KRI1: variants seen among roughly 807,000 people sequenced by gnomAD.
KRI1 encodes the protein protein KRI1 homolog.
KRI1 carries 83 observed loss-of-function variants against 97.0 expected under a neutral mutation model. The ratio of observed to expected loss-of-function variants is 0.86; its 90% CI spans 0.72 to 1.03. The LOEUF is 1.03. Ranked by LOEUF, KRI1 falls within the 50% of genes least tolerant of loss-of-function variation. KRI1 has a pLI of 0.00. For synonymous variants in KRI1, 371 were observed against 363.5 expected (o/e 1.02, Z -0.23); for missense variants, 916 against 928.4 (o/e 0.99, Z 0.17).
chr19:10,554,087 C>T lies in KRI1; in HGVS notation c.1976G>A (p.Gly659Asp), dbSNP rs768504539. ...RRRAKKARLLGPTVMLGGCEF... is the reference protein window; with the variant it reads ...RRRAKKARLLDPTVMLGGCEF... ...GCATCCACCAAGCATCACAGTGGGG[C>T]CCAGCAGCCGTGCCTTCTTGGCCCT... The change falls in exon 19 of 19, where the codon GGC (glycine) becomes GAC (aspartate). Residue 659 changes from glycine to aspartate, a missense_variant. Around this residue, in one of 3 missense-constraint regions of KRI1, gnomAD observed 672 missense variants for 667.2 expected, o/e 1.01. Transcript: ENST00000312962. The T allele has an allele frequency of 1.9e-6, 3 of 1,614,200 alleles. No individual in the cohort carries two copies. Among genetic ancestry groups the T allele is most frequent in the Admixed American group, 1.7e-5 (1 of 60,022 alleles).
Position 10,559,920 on chromosome 19 carries a change from C to G in KRI1, c.817G>C (p.Val273Leu), listed in dbSNP as rs142580156. ...GAGGAGTCGTCCACAGCCAGCTGGACTGGGGGACCGTGGACCCTGAGGGGC... is the reference window on the plus strand; with the variant it reads ...GAGGAGTCGTCCACAGCCAGCTGGAGTGGGGGACCGTGGACCCTGAGGGGC... Reference protein sequence around the residue: ...EEEEGVHGPPVQLAVDDSSDE... With the variant: ...EEEEGVHGPPLQLAVDDSSDE... Residue 273 changes from valine (V) to leucine (L), a missense_variant, in exon 10 of 19, where the codon GTC becomes CTC. Val to Leu is a conservative substitution (Grantham distance 32). Transcript: ENST00000312962. 2.3e-3 allele frequency: 3,653 copies of G among 1,612,060 alleles called. 2 individuals carry two copies. Among genetic ancestry groups the G allele is most frequent in the Non-Finnish European group, 2.8e-3 (3,317 of 1,179,916 alleles).
chr19:10,563,094 T>C (rs1439043515), intron 3 of KRI1, among the ~76,000 whole-genome samples: 2 of 152,064 alleles, frequency 1.3e-5, no homozygotes, highest in Non-Finnish European at 2.9e-5. Flanking sequence ...CTCATTCTGT[T>C]GCCCAGGCTG....
Position 10,560,340 on chromosome 19 carries a change from C to T in KRI1, c.772G>A (p.Asp258Asn), listed in dbSNP as rs1055611699. The T allele has an allele frequency of 1.2e-6, 2 of 1,607,064 alleles. No individual in the cohort carries two copies. Residue 258 changes from aspartate (D) to asparagine (N), a missense_variant, in exon 9 of 19, where the codon GAT becomes AAT. Transcript: ENST00000312962. ...RYEEEEEEEE[D>N]EEEMEEEEGV... ...TCCTCTTCCTCCATTTCCTCTTCATCTTCCTCCTCCTCTTCCTCCTCCTCA... is the reference window on the plus strand; with the variant it reads ...TCCTCTTCCTCCATTTCCTCTTCATTTTCCTCCTCCTCTTCCTCCTCCTCA...
chr19:10,565,555 G>T, intron 2 of KRI1, 162 bp downstream of exon 2: 1 of 892,776 alleles, frequency 1.1e-6, no homozygotes, highest in Non-Finnish European at 1.6e-6. Flanking sequence ...CCCCTGGGGA[G>T]AGGGGGGGCA....
intron 2 of KRI1, 141 bp downstream of exon 2, chr19:10,565,576 C>A: frequency 8.9e-7 from 1 of 1,118,474 alleles, no homozygotes; most frequent in South Asian, 1.6e-5. Context: ...CTGTCTGTCC[C>A]TCATGGGATG....
chr19:10,558,296 C>G, intron 12 of KRI1, 57 bp from the exon 13 acceptor site: 1 of 1,538,850 alleles, frequency 6.5e-7, no homozygotes, highest in Admixed American at 1.7e-5. Context: ...GAGCTGAGCC[C>G]CCTACGATGC....
At chr19:10,561,635 C>A in intron 6 of KRI1, 32 bp downstream of exon 6, 1 of 1,610,186 alleles carries the variant, frequency 6.2e-7, no homozygotes, top group South Asian at 1.1e-5. Flanking sequence ...CAACTTTCCT[C>A]CATTGGGCCA....
At chr19:10,564,596 G>A (rs939698442) in intron 3 of KRI1, among the ~76,000 whole-genome samples, 23 of 152,180 alleles carry the variant, frequency 1.5e-4, no homozygotes, top group Admixed American at 1.4e-3. Flanking sequence ...CAGCCTGGTG[G>A]AGTTGGAATC....
chr19:10,556,135 G>GGCTCACA (rs911315499), intron 16 of KRI1, among the ~76,000 whole-genome samples: 2 of 152,062 alleles, frequency 1.3e-5, no homozygotes, highest in African/African-American at 4.8e-5. Context: ...TGCAGTGGCA[G>GGCTCACA]GCTCACAGCT....
chr19:10,565,570 C>T, intron 2 of KRI1, 147 bp downstream of exon 2: 2 of 1,042,876 alleles, frequency 1.9e-6, no homozygotes, highest in Non-Finnish European at 2.7e-6. Context: ...GGGGCACTGT[C>T]TGTCCCTCAT....
intron 2 of KRI1, 141 bp downstream of exon 2, chr19:10,565,576 C>T (rs1916840223): frequency 1.8e-6 from 2 of 1,118,358 alleles, no homozygotes; most frequent in African/African-American, 1.6e-5. Flanking sequence ...CTGTCTGTCC[C>T]TCATGGGATG....
intron 3 of KRI1, 31 bp downstream of exon 3, chr19:10,564,898 A>C: frequency 7.4e-7 from 1 of 1,351,356 alleles, no homozygotes; most frequent in Non-Finnish European, 1.1e-6. Flanking sequence ...CTCCAGAGGA[A>C]GGAGAGGTTT....
At chr19:10,558,573 G>A (rs1315614100) in intron 12 of KRI1, among the ~76,000 whole-genome samples, 1 of 150,854 alleles carries the variant, frequency 6.6e-6, no homozygotes, top group Non-Finnish European at 1.5e-5. Flanking sequence ...ACAGAATTTC[G>A]CTCTTGTTGC....
intron 4 of KRI1, among the ~76,000 whole-genome samples, chr19:10,562,202 A>T (rs950618661): frequency 6.6e-6 from 1 of 150,692 alleles, no homozygotes; most frequent in Admixed American, 6.6e-5. Flanking sequence ...GGCGCCCACC[A>T]CCACATCTGG....
At position 10,554,267 on chromosome 19, in the gene KRI1, G is replaced by A. The variant is rs368256527; in HGVS notation, c.1796C>T (p.Ala599Val). ...TCTCTGTGGCTTCCCTGTGGCTTCC[G>A]CAGGTGTCTCTGCCCTGAGGGAGAA... ...SLCREEAETP[A>V]EATGKPQRDE... Residue 599 changes from alanine to valine, a missense_variant, in exon 19 of 19, where the codon GCG becomes GTG. This residue lies in a region of KRI1 where 672 missense variants were observed against 667.2 expected (regional missense o/e 1.01). Coordinates refer to ENST00000312962, the MANE Select transcript of KRI1 (RefSeq NM_023008.5). 3.3e-5 allele frequency: 54 copies of A among 1,613,560 alleles called. No individual in the cohort carries two copies. The highest frequency in any genetic ancestry group is 1.6e-4 in the Middle Eastern group (1 of 6,084).
At chr19:10,562,017 T>G (rs867723827) in intron 4 of KRI1, among the ~76,000 whole-genome samples, 172 bp from the exon 5 acceptor site, 48 of 138,200 alleles carry the variant, frequency 3.5e-4, no homozygotes, top group African/African-American at 9.5e-4. Context: ...TTTCCAGCGT[T>G]TTTTTTTTTT....
chr19:10,561,810 G>A lies in KRI1; in HGVS notation c.419C>T (p.Thr140Ile), dbSNP rs906752712. 2.1e-5 allele frequency: 34 copies of A among 1,613,844 alleles called. No homozygotes were observed. The highest frequency in any genetic ancestry group is 2.9e-5 in the Non-Finnish European group (34 of 1,179,944). The change falls in exon 5 of 19, where the codon ACT becomes ATT. Residue 140 changes from threonine (T) to isoleucine (I), a missense_variant. This residue lies in a region of KRI1 where 71 missense variants were observed against 108.1 expected (regional missense o/e 0.66). Coordinates refer to ENST00000312962, the MANE Select transcript of KRI1 (RefSeq NM_023008.5). ...ACCCACCTGGAGTCTGTGATTGGAA[G>A]TCTCCCCGTCTGAGTTCTCCTCATC... ...YVDEENSDGE[T>I]SNHRLQETSS...
chr19:10,564,155 A>AAAAAG (rs1252685641), intron 3 of KRI1, among the ~76,000 whole-genome samples: 1 of 148,218 alleles, frequency 6.7e-6, no homozygotes, highest in East Asian at 2.0e-4. Context: ...TCAAAAAAAA[A>AAAAAG]AAAAGAAAAA....
Position 10,559,675 on chromosome 19 carries a change from C to T in KRI1, c.961G>A (p.Val321Met), listed in dbSNP as rs45518133. 0.012 allele frequency: 20,069 copies of T among 1,613,938 alleles called. 192 individuals carry two copies. The highest frequency in any genetic ancestry group is 0.016 in the South Asian group (1,435 of 91,078). ...KTYPRSIASS[V>M]RRKDERRKEK... ...TTTCTGCGCTCATCCTTACGGCGCA[C>T]GGAGGACGCGATGCTGCGTGGGTAG... Residue 321 changes from valine (V) to methionine (M), a missense_variant, in exon 11 of 19, where the codon GTG (valine) becomes ATG (methionine). This residue lies in a region of KRI1 where 672 missense variants were observed against 667.2 expected (regional missense o/e 1.01). Coordinates refer to ENST00000312962, the MANE Select transcript of KRI1 (RefSeq NM_023008.5).
Sources: allele counts gnomAD v4.1 joint callset (sites outside exome capture counted in the v4.1 genomes callset), GRCh38; gene constraint gnomAD v4.1.1; regional missense constraint gnomAD v4.1.1; transcripts MANE v1.5; gene names NCBI Gene and HGNC (gene_info 2026-07-23, HGNC 2026-07-21).